PEMT: variants seen among roughly 807,000 people sequenced by gnomAD.
The protein encoded by PEMT is phosphatidylethanolamine N-methyltransferase.
A neutral mutation model predicts 27.4 loss-of-function variants in PEMT; 23 were observed. The observed-to-expected ratio is 0.84, with a 90% CI of 0.60 to 1.19. The LOEUF is 1.19. Among genes scored for constraint, PEMT ranks in the 50% most tolerant of loss-of-function variants. The pLI is 0.00. For missense variants in PEMT, 307 were observed against 310.1 expected (o/e 0.99, Z 0.07); for synonymous variants, 137 against 139.1 (o/e 0.98, Z 0.11).
chr17:17,506,336 G>GC, intron 5 of PEMT, 35 bp from the exon 6 acceptor site: 1 of 1,502,774 alleles, frequency 6.7e-7, no homozygotes, highest in Admixed American at 2.0e-5. Context: ...CCTGGCTGGA[G>GC]CCAGGGTCTC....
At chr17:17,552,160 A>C (rs1343271847) in intron 2 of PEMT, among the ~76,000 whole-genome samples, 6 of 152,032 alleles carry the variant, frequency 3.9e-5, no homozygotes, top group Non-Finnish European at 7.4e-5. Context: ...AAAAATACAA[A>C]AATTAGCCGG....
intron 1 of PEMT, chr17:17,577,384 G>T: frequency 1.2e-6 from 1 of 835,412 alleles, no homozygotes; most frequent in Non-Finnish European, 1.5e-6. Context: ...CCAAGCAGCT[G>T]AGATAAATGT....
chr17:17,518,183 A>T (rs1906986974), intron 3 of PEMT: 1 of 983,984 alleles, frequency 1.0e-6, no homozygotes, highest in Non-Finnish European at 1.2e-6. Context: ...GAGCTCGCTG[A>T]TGCCCTAACA....
At chr17:17,532,790 G>A (rs960289675) in intron 2 of PEMT, among the ~76,000 whole-genome samples, 2 of 152,252 alleles carry the variant, frequency 1.3e-5, no homozygotes, top group Non-Finnish European at 2.9e-5. Flanking sequence ...CACTTTGGGA[G>A]GCCAAGGCAG....
chr17:17,589,774 T>C (rs1291175579), intron 1 of PEMT, among the ~76,000 whole-genome samples: 1 of 152,204 alleles, frequency 6.6e-6, no homozygotes, highest in Non-Finnish European at 1.5e-5. Context: ...TTTCTTTCTT[T>C]CTTTCTTTAA....
At chr17:17,576,756 G>T (rs900935393) in intron 2 of PEMT, among the ~76,000 whole-genome samples, 164 bp downstream of exon 2, 3 of 152,224 alleles carry the variant, frequency 2.0e-5, no homozygotes, top group Non-Finnish European at 4.4e-5. Context: ...CAAGACGGCA[G>T]GAAGCGCCTA....
intron 2 of PEMT, among the ~76,000 whole-genome samples, chr17:17,553,321 T>A (rs765346547): frequency 1.5e-4 from 23 of 152,160 alleles, no homozygotes; most frequent in Non-Finnish European, 2.5e-4. Context: ...CGCCCAGAAC[T>A]TGGCTGCGGG....
intron 2 of PEMT, among the ~76,000 whole-genome samples, chr17:17,540,113 T>C (rs1908777391): frequency 6.6e-6 from 1 of 151,800 alleles, no homozygotes; most frequent in African/African-American, 2.4e-5. Flanking sequence ...GGGGCCAAAA[T>C]GGGCAGCAGC....
intron 3 of PEMT, among the ~76,000 whole-genome samples, chr17:17,521,083 C>T (rs1417746106): frequency 2.6e-5 from 4 of 152,332 alleles, no homozygotes; most frequent in East Asian, 1.9e-4. Flanking sequence ...GATGGGGCCA[C>T]GGGCAATGGG....
Position 17,586,150 on chromosome 17 carries a change from AAGAAAAAGAAAG to A in PEMT, c.96+5369_96+5380del, listed in dbSNP as rs941949503. Among the ~76,000 whole-genome samples, 7 of 148,846 alleles carry A rather than the reference AAGAAAAAGAAAG, an allele frequency of 4.7e-5. 1 individual carries two copies. The highest frequency in any genetic ancestry group is 7.6e-5 in the African/African-American group (3 of 39,344). ...AAAAAAATCTAATGAGAAAGAAAGA[AAGAAAAAGAAAG>A]AGAAAAAGAAAGAAAGAAAAAGAAA... On this transcript the variant is annotated intron_variant, in intron 1 of 6. Transcript: ENST00000255389.
At chr17:17,538,001 G>A (rs769193877) in intron 2 of PEMT, among the ~76,000 whole-genome samples, 19 of 152,200 alleles carry the variant, frequency 1.2e-4, no homozygotes, top group Admixed American at 3.9e-4. Flanking sequence ...GCTGGCAAAC[G>A]CCCTCCTCAG....
intron 5 of PEMT, chr17:17,508,383 G>A (rs1057294996): frequency 6.3e-5 from 12 of 190,088 alleles, no homozygotes; most frequent in Middle Eastern, 2.2e-3. Flanking sequence ...GGTAGGGTGG[G>A]TCCCAGCCAG....
chr17:17,510,462 G>A (rs759490217), intron 4 of PEMT, among the ~76,000 whole-genome samples: 4 of 152,210 alleles, frequency 2.6e-5, no homozygotes, highest in East Asian at 1.9e-4. Context: ...GCAGCTGCCC[G>A]ACAATGGGCA....
chr17:17,518,565 C>G (rs1442247036), intron 3 of PEMT, among the ~76,000 whole-genome samples: 14 of 152,228 alleles, frequency 9.2e-5, no homozygotes. Context: ...TCTGGATGCA[C>G]TGCTGGTGCA....
At chr17:17,591,506 C>G (rs764176738) in intron 1 of PEMT, 25 bp downstream of exon 1, 1 of 1,578,032 alleles carries the variant, frequency 6.3e-7, no homozygotes, top group Non-Finnish European at 8.7e-7. Context: ...TCCCAGTTTC[C>G]GCGGCGGTCC....
rs1217800674 is a variant in PEMT, at chr17:17,591,556, C to G, written c.71G>C (p.Gly24Ala). ...CTGTCTAAAATCAATATTGCCGAGG[C>G]CTCCGCAGCAGTCAGGCCCTGCCAC... ...SSVAGPDCCGGLGNIDFRQAD... is the reference protein window; with the variant it reads ...SSVAGPDCCGALGNIDFRQAD... The change falls in exon 1 of 7, where the codon GGC becomes GCC. Residue 24 changes from glycine to alanine, a missense_variant. Transcript: ENST00000255389. 1.9e-5 allele frequency: 31 copies of G among 1,613,566 alleles called. No homozygotes were observed. Among genetic ancestry groups the G allele is most frequent in the Non-Finnish European group, 2.6e-5 (31 of 1,179,744 alleles).
At chr17:17,550,848 T>C (rs1375096720) in intron 2 of PEMT, among the ~76,000 whole-genome samples, 1 of 151,930 alleles carries the variant, frequency 6.6e-6, no homozygotes, top group Non-Finnish European at 1.5e-5. Context: ...GAAAGCAGAG[T>C]ACAGAGAAAG....
intron 2 of PEMT, among the ~76,000 whole-genome samples, chr17:17,540,949 ATTCTC>A (rs1908837241): frequency 6.6e-6 from 1 of 152,080 alleles, no homozygotes; most frequent in Non-Finnish European, 1.5e-5. Context: ...GTATTTGTCT[ATTCTC>A]TTCTTGCTTT....
At chr17:17,581,701 C>A (rs1004282275) in intron 1 of PEMT, among the ~76,000 whole-genome samples, 4 of 152,232 alleles carry the variant, frequency 2.6e-5, no homozygotes, top group Admixed American at 6.5e-5. Flanking sequence ...CCCCCTCCCC[C>A]CTCTCCCTCC....
Sources: gnomAD v4.1 joint callset for allele counts (sites outside exome capture counted in the v4.1 genomes callset) on GRCh38, gnomAD v4.1.1 for gene constraint, MANE v1.5 for transcripts, NCBI Gene and HGNC (gene_info 2026-07-23, HGNC 2026-07-21) for gene names.